TARBP1: variants seen among roughly 807,000 people sequenced by gnomAD.
TARBP1 encodes the protein tRNA (guanosine(18)-2'-O)-methyltransferase TARBP1.
In TARBP1, 144 loss-of-function variants were observed where a neutral mutation model predicts 178.6. The ratio of observed to expected loss-of-function variants is 0.81; its 90% confidence interval spans 0.70 to 0.93. TARBP1 has a LOEUF of 0.93. TARBP1 is among the 40% of genes least tolerant of loss of function. The probability of loss-of-function intolerance (pLI) is 0.00; values close to 1 mark genes in which losing one functional copy is unlikely to be tolerated. For missense variants in TARBP1, 2,067 were observed against 2,011.7 expected (o/e 1.03, Z -0.53); for synonymous variants, 787 against 781.0 (o/e 1.01, Z -0.13).
chr1:234,425,736 T>C lies in TARBP1; in HGVS notation c.3381A>G (p.Leu1127=). ...RICAVKFLCL[L]DGSNMSHKLF... Reference sequence around the variant, plus strand: ...ACTTGTGGGACATATTGGAGCCATCTAATAAACACAGGAATTTGACAGCAC... The same window carrying C: ...ACTTGTGGGACATATTGGAGCCATCCAATAAACACAGGAATTTGACAGCAC... The change falls in exon 20 of 30, where the codon TTA becomes TTG. Residue 1127 remains leucine, a synonymous_variant. Coordinates refer to ENST00000040877, the MANE Select transcript of TARBP1 (RefSeq NM_005646.4). 2 of 1,609,882 alleles carry C rather than the reference T, an allele frequency of 1.2e-6. No individual in the cohort carries two copies. The highest frequency in any genetic ancestry group is 1.7e-6 in the Non-Finnish European group (2 of 1,176,620).
In TARBP1 at chr1:234,467,649, T is replaced by A. The variant is rs1327228438; in HGVS notation, c.1101A>T (p.Gly367=). The change falls in exon 4 of 30, where the codon GGA becomes GGT. Residue 367 remains glycine (G), a splice_region_variant and synonymous_variant. Coordinates refer to ENST00000040877, the MANE Select transcript of TARBP1 (RefSeq NM_005646.4). ...LFEYAVSEEN[G]CWLFHPSWHM... ...GCCAGGATGGGTGAAAGAGCCAACA[T>A]CCTGTGGAAACAAACATCAAATGTT... 1 of 1,574,054 alleles carries A rather than the reference T, an allele frequency of 6.4e-7. No homozygotes were observed. The highest frequency in any genetic ancestry group is 8.6e-7 in the Non-Finnish European group (1 of 1,166,188).
intron 6 of TARBP1, among the ~76,000 whole-genome samples, chr1:234,463,009 TCA>T (rs1302767908): frequency 1.3e-5 from 2 of 152,220 alleles, no homozygotes; most frequent in African/African-American, 4.8e-5. Flanking sequence ...CAAACAAAAA[TCA>T]CAGTGCTTTT....
At chr1:234,451,324 GAAAAT>G (rs1255172454) in intron 9 of TARBP1, among the ~76,000 whole-genome samples, 1 of 152,104 alleles carries the variant, frequency 6.6e-6, no homozygotes, top group African/African-American at 2.4e-5. Flanking sequence ...TAAATATGAA[GAAAAT>G]AATTATGAAA....
chr1:234,465,858 T>C (rs1354048610), intron 4 of TARBP1, 150 bp from the exon 5 acceptor site: 4 of 607,912 alleles, frequency 6.6e-6, no homozygotes, highest in Non-Finnish European at 1.0e-5. Flanking sequence ...CTAAATTTAG[T>C]GCTGGTCCTG....
Position 234,398,572 on chromosome 1 carries a change from A to C in TARBP1, c.4072-19T>G, listed in dbSNP as rs1296627166. 3.3e-6 allele frequency: 5 copies of C among 1,519,256 alleles called. No homozygotes were observed. The highest frequency in any genetic ancestry group is 1.4e-5 in the African/African-American group (1 of 72,046). 94.1% of individuals were successfully genotyped at this position (1,519,256 alleles called of 1,614,324 possible). On this transcript the variant is annotated intron_variant, in intron 25 of 29. Coordinates refer to ENST00000040877, the MANE Select transcript of TARBP1 (RefSeq NM_005646.4). The stretch of plus-strand genomic sequence containing the variant: ...ATATGGTCTGAAAAGAGAATTATAA[A>C]ATCTAAATTTCTTCCCTTAAGAATA...
rs915184 is a variant in TARBP1, at chr1:234,430,041, G to T, written c.2609+46C>A. 8 of 1,548,660 alleles carry T rather than the reference G, an allele frequency of 5.2e-6. No individual in the cohort carries two copies. The South Asian group carries it at 5.8e-5, about 11-fold the overall frequency. On this transcript the variant is annotated intron_variant, in intron 15 of 29. Coordinates refer to ENST00000040877, the MANE Select transcript of TARBP1 (RefSeq NM_005646.4). ...AATGTTGGGCAATCATGAACTCACG[G>T]TGACAACAACAGAAATGGATTTTTA... is the stretch of plus-strand genomic sequence containing the variant.
intron 1 of TARBP1, among the ~76,000 whole-genome samples, chr1:234,477,129 G>T (rs2103324432): frequency 6.6e-6 from 1 of 152,362 alleles, no homozygotes; most frequent in Admixed American, 6.5e-5. Context: ...AGGTTGCGGT[G>T]AGCGGAGATT....
At chr1:234,445,378 T>C (rs1166199393) in intron 12 of TARBP1, among the ~76,000 whole-genome samples, 1 of 152,140 alleles carries the variant, frequency 6.6e-6, no homozygotes, top group East Asian at 1.9e-4. Flanking sequence ...ACCTGTATGT[T>C]AATGGCTCCC....
intron 12 of TARBP1, among the ~76,000 whole-genome samples, chr1:234,440,047 C>T (rs567316914): frequency 1.7e-4 from 26 of 152,116 alleles, no homozygotes; most frequent in Middle Eastern, 6.8e-3. Context: ...ATATGCTCTG[C>T]GACCACAATG....
At chr1:234,472,635 G>T in intron 2 of TARBP1, 79 bp downstream of exon 2, 1 of 922,828 alleles carries the variant, frequency 1.1e-6, no homozygotes, top group Non-Finnish European at 1.6e-6. Context: ...TAGTCTCTTT[G>T]TATCGCTTTT....
rs181622783 is a variant in TARBP1 at position 234,421,587 on chromosome 1, C to A, written c.3445-775G>T. Among the ~76,000 whole-genome samples, 53 of 152,358 alleles carry A rather than the reference C, an allele frequency of 3.5e-4. 1 individual carries two copies. The East Asian group carries it at 0.01, about 29-fold the overall frequency. ...TGATGCAAACACCACTAAGAAGCCA[C>A]CCCAGTACATGGACAGTGCAAGGCA... is the stretch of plus-strand genomic sequence containing the variant. On this transcript the variant is annotated intron_variant, in intron 20 of 29. Coordinates refer to ENST00000040877, the MANE Select transcript of TARBP1 (RefSeq NM_005646.4).
At position 234,404,422 on chromosome 1, in the gene TARBP1, T is replaced by C. The variant is rs543556459; in HGVS notation, c.3989+1481A>G. Among the ~76,000 whole-genome samples, 4 of 152,348 alleles carry C rather than the reference T, an allele frequency of 2.6e-5. No individual in the cohort carries two copies. In the East Asian group the frequency reaches 7.7e-4, roughly 29 times the overall value. ...CTTTGGTAGCTTGAGTTTGGATTAC[T>C]GCATGATAATGCAAATGCGATCCTG... On this transcript the variant is annotated intron_variant, in intron 24 of 29. Transcript: ENST00000040877.
intron 13 of TARBP1, among the ~76,000 whole-genome samples, chr1:234,436,770 G>T (rs150886802): frequency 3.9e-5 from 6 of 152,224 alleles, no homozygotes; most frequent in Admixed American, 1.3e-4. Flanking sequence ...TATTCTTTAA[G>T]GGGAAAAGCT....
Position 234,430,231 on chromosome 1 carries a change from A to G in TARBP1, c.2465T>C (p.Ile822Thr). ...CAGCTGCAGCTCAGGCTTCTGGTCT[A>G]TGGCCTCACACACCATGGCCAAGGC... ...MAALAMVCEA[I>T]DQKPELQLDS... The change falls in exon 15 of 30, where the codon ATA becomes ACA. Residue 822 changes from isoleucine to threonine, a missense_variant. Ile to Thr is a moderately conservative substitution (Grantham distance 89). Coordinates refer to ENST00000040877, the MANE Select transcript of TARBP1 (RefSeq NM_005646.4). 7 of 1,614,180 alleles carry G rather than the reference A, an allele frequency of 4.3e-6. No homozygotes were observed. The highest frequency in any genetic ancestry group is 5.1e-6 in the Non-Finnish European group (6 of 1,180,032).
intron 26 of TARBP1, among the ~76,000 whole-genome samples, chr1:234,395,222 C>T (rs557586306): frequency 2.0e-5 from 3 of 152,002 alleles, no homozygotes; most frequent in African/African-American, 7.2e-5. Context: ...CAGAGCGAGA[C>T]TCCGTCTCAA....
intron 13 of TARBP1, 117 bp downstream of exon 13, chr1:234,437,158 C>T (rs891162601): frequency 1.1e-4 from 54 of 510,362 alleles, no homozygotes; most frequent in Admixed American, 4.2e-5. Flanking sequence ...CTTCCTAAGA[C>T]CGCTTCTTGA....
At chr1:234,452,980 G>A (rs1015858945) in intron 9 of TARBP1, among the ~76,000 whole-genome samples, 3 of 152,182 alleles carry the variant, frequency 2.0e-5, no homozygotes, top group Admixed American at 2.0e-4. Flanking sequence ...GGTCCTGTAT[G>A]ATTCCAACTA....
At chr1:234,403,466 T>C (rs1157433760) in intron 24 of TARBP1, among the ~76,000 whole-genome samples, 2 of 152,202 alleles carry the variant, frequency 1.3e-5, no homozygotes, top group South Asian at 4.1e-4. Context: ...TTTAAAACTT[T>C]CCTCATCACA....
chr1:234,476,130 G>T (rs1669548496), intron 1 of TARBP1, among the ~76,000 whole-genome samples: 1 of 152,178 alleles, frequency 6.6e-6, no homozygotes, highest in African/African-American at 2.4e-5. Flanking sequence ...TATGCTAAAG[G>T]ATCTTGTGGA....
Sources: gnomAD v4.1 joint callset for allele counts (sites outside exome capture counted in the v4.1 genomes callset) on GRCh38, gnomAD v4.1.1 for gene constraint, MANE v1.5 for transcripts, NCBI Gene and HGNC (gene_info 2026-07-23, HGNC 2026-07-21) for gene names.